CDH12: variants seen among roughly 807,000 people sequenced by gnomAD.
CDH12 encodes cadherin 12.
In CDH12, 41 loss-of-function variants were observed where a neutral mutation model predicts 74.1. That is an observed-to-expected ratio of 0.55 (90% CI 0.43 to 0.72). The LOEUF (loss-of-function observed/expected upper bound fraction) is 0.72, where lower values mean the gene tolerates loss of function less well. CDH12 is among the 30% of genes least tolerant of loss of function. The pLI is 0.00. For synonymous variants in CDH12, 399 were observed against 355.0 expected, an observed-to-expected ratio of 1.12 and a Z score of -1.39; for missense variants, 945 against 977.2, an observed-to-expected ratio of 0.97 and a Z score of 0.44.
intron 1 of CDH12, among the ~76,000 whole-genome samples, chr5:22,548,246 A>G (rs1738414299): frequency 6.6e-6 from 1 of 152,182 alleles, no homozygotes; most frequent in African/African-American, 2.4e-5. Flanking sequence ...TAGCTGACAA[A>G]GCTTATTTAT....
At chr5:22,676,366 C>T (rs1741190143) in intron 1 of CDH12, among the ~76,000 whole-genome samples, 1 of 152,088 alleles carries the variant, frequency 6.6e-6, no homozygotes, top group East Asian at 1.9e-4. Flanking sequence ...GTTCAGAGAC[C>T]TTATAACTCT....
At chr5:22,445,610 T>G (rs1744787189) in intron 2 of CDH12, among the ~76,000 whole-genome samples, 1 of 152,160 alleles carries the variant, frequency 6.6e-6, no homozygotes, top group Non-Finnish European at 1.5e-5. Flanking sequence ...AATAATGTTT[T>G]TATCTTGAAC....
chr5:21,887,321 A>C (rs772099102), intron 6 of CDH12, among the ~76,000 whole-genome samples: 19 of 152,176 alleles, frequency 1.2e-4, no homozygotes, highest in Non-Finnish European at 1.9e-4. Flanking sequence ...GATTCAGTTG[A>C]TAGTGATGGA....
At chr5:22,053,007 C>T (rs6452043) in intron 5 of CDH12, among the ~76,000 whole-genome samples, 151,406 of 152,024 alleles carry the variant, frequency 1, 75,401 homozygotes, top group Middle Eastern at 1. Flanking sequence ...CTCTAATACA[C>T]TTACTTATTG....
intron 4 of CDH12, 108 bp from the exon 5 acceptor site, chr5:22,078,970 C>T: frequency 2.6e-6 from 1 of 380,806 alleles, no homozygotes; most frequent in Non-Finnish European, 4.0e-6. Context: ...AGAAGAAAGA[C>T]TATAAAAGAA....
At chr5:22,468,625 T>C (rs1229294760) in intron 2 of CDH12, among the ~76,000 whole-genome samples, 1 of 152,176 alleles carries the variant, frequency 6.6e-6, no homozygotes, top group Non-Finnish European at 1.5e-5. Flanking sequence ...TACTTACCTA[T>C]AGTGTTTTTA....
chr5:22,575,807 C>G (rs1004231257), intron 1 of CDH12, among the ~76,000 whole-genome samples: 6 of 152,122 alleles, frequency 3.9e-5, no homozygotes, highest in Non-Finnish European at 8.8e-5. Flanking sequence ...TCAAGCGATC[C>G]GCCTGCCTCA....
chr5:22,100,078 G>T (rs549423806), intron 4 of CDH12, among the ~76,000 whole-genome samples: 1 of 151,844 alleles, frequency 6.6e-6, no homozygotes, highest in South Asian at 2.1e-4. Flanking sequence ...CAAAATTTTC[G>T]CTGTCCCAAA....
chr5:22,328,046 G>A (rs6863029), intron 3 of CDH12, among the ~76,000 whole-genome samples: 5,683 of 152,114 alleles, frequency 0.037, 365 homozygotes, highest in African/African-American at 0.13. Flanking sequence ...AATATTGTTT[G>A]GAAATGGAGG....
chr5:22,103,337 T>C (rs546061794), intron 4 of CDH12, among the ~76,000 whole-genome samples: 110 of 40,626 alleles, frequency 2.7e-3, no homozygotes, highest in African/African-American at 0.011. Flanking sequence ...ACATTGAACT[T>C]AAGACCTGAT....
intron 4 of CDH12, among the ~76,000 whole-genome samples, chr5:22,126,113 A>T (rs1355435989): frequency 6.6e-6 from 1 of 152,132 alleles, no homozygotes; most frequent in African/African-American, 2.4e-5. Flanking sequence ...ACATAGGAGT[A>T]AACTATTATA....
chr5:21,886,975 G>C, intron 6 of CDH12, among the ~76,000 whole-genome samples: 1 of 152,102 alleles, frequency 6.6e-6, no homozygotes. Context: ...GTTTCCTCTA[G>C]TGTGCCATGC....
intron 1 of CDH12, among the ~76,000 whole-genome samples, chr5:22,833,981 C>T (rs1317446562): frequency 2.0e-5 from 3 of 152,124 alleles, no homozygotes; most frequent in African/African-American, 7.2e-5. Context: ...CATGACCCTC[C>T]ATTAACTCTG....
chr5:22,539,248 G>A (rs990351127), intron 1 of CDH12, among the ~76,000 whole-genome samples: 3 of 152,150 alleles, frequency 2.0e-5, no homozygotes, highest in African/African-American at 7.2e-5. Context: ...TGAGTGAATA[G>A]AACACTAAGA....
At chr5:22,698,122 CTTTT>C (rs10677695) in intron 1 of CDH12, among the ~76,000 whole-genome samples, 1 of 91,200 alleles carries the variant, frequency 1.1e-5, no homozygotes, top group African/African-American at 4.3e-5. Context: ...AAAGGCAGGG[CTTTT>C]TTTTTTTTTT....
rs148347215 is a variant in CDH12 at position 22,245,678 on chromosome 5, T to C, written c.-332-33035A>G. Among the ~76,000 whole-genome samples the C allele has an allele frequency of 1.6e-3, 239 of 151,978 alleles. 2 individuals carry two copies. Among genetic ancestry groups the C allele is most frequent in the African/African-American group, 5.4e-3 (223 of 41,470 alleles). On this transcript the variant is annotated intron_variant, in intron 3 of 14. Coordinates refer to ENST00000382254, the MANE Select transcript of CDH12 (RefSeq NM_004061.5). ...ATGATATACATATATCATATATATT[T>C]AAATCTGTAGTTCATACATATATAT...
At chr5:22,752,312 T>C (rs1745620944) in intron 1 of CDH12, among the ~76,000 whole-genome samples, 1 of 151,874 alleles carries the variant, frequency 6.6e-6, no homozygotes, top group South Asian at 2.1e-4. Context: ...ATTATATTAA[T>C]TAATACTAGA....
chr5:22,595,208 AATTCATCTTT>A (rs1215664514), intron 1 of CDH12, among the ~76,000 whole-genome samples: 1 of 152,164 alleles, frequency 6.6e-6, no homozygotes, highest in Admixed American at 6.5e-5. Flanking sequence ...TGATGCTGGA[AATTCATCTTT>A]ATGATCAATT....
intron 6 of CDH12, among the ~76,000 whole-genome samples, chr5:21,890,642 T>A (rs1487233148): frequency 6.6e-6 from 1 of 152,138 alleles, no homozygotes; most frequent in Admixed American, 6.5e-5. Flanking sequence ...GGACCTGTCC[T>A]ACAGCCATTA....
Sources: gnomAD v4.1 joint callset for allele counts (sites outside exome capture counted in the v4.1 genomes callset) on GRCh38, gnomAD v4.1.1 for gene constraint, MANE v1.5 for transcripts, NCBI Gene and HGNC (gene_info 2026-07-23, HGNC 2026-07-21) for gene names.